The following SHC3 variants were observed in gnomAD, a reference collection of about 807,000 sequenced individuals.
SHC3 encodes the protein SHC adaptor protein 3.
A neutral mutation model predicts 60.4 loss-of-function variants in SHC3; 15 were observed. The ratio of observed to expected loss-of-function variants is 0.25; its 90% CI spans 0.17 to 0.38. The LOEUF is 0.38. Among genes scored for constraint, SHC3 ranks in the 10% least tolerant of loss-of-function variants. The pLI is 1.00. For missense variants in SHC3, 677 were observed against 786.1 expected, an observed-to-expected ratio of 0.86 and a Z score of 1.66; for synonymous variants, 294 against 325.9, an observed-to-expected ratio of 0.90 and a Z score of 1.05.
At chr9:89,047,724 CAA>C (rs2117911486) in intron 7 of SHC3, among the ~76,000 whole-genome samples, 1 of 152,220 alleles carries the variant, frequency 6.6e-6, no homozygotes, top group African/African-American at 2.4e-5. Flanking sequence ...TAGCTATAAT[CAA>C]AGAGATGGAC....
intron 2 of SHC3, among the ~76,000 whole-genome samples, chr9:89,090,543 G>A (rs1484235110): frequency 6.6e-6 from 1 of 152,230 alleles, no homozygotes; most frequent in African/African-American, 2.4e-5. Flanking sequence ...TGGTGGGTAT[G>A]GGAGGCTTCC....
At position 89,052,129 on chromosome 9, in the gene SHC3, G is replaced by A. The variant is rs1387876759; in HGVS notation, c.870C>T (p.Ala290=). The A allele has an allele frequency of 1.9e-6, 3 of 1,614,060 alleles. No individual in the cohort carries two copies. The highest frequency in any genetic ancestry group is 2.5e-6 in the Non-Finnish European group (3 of 1,179,962). ...GTCCGATGGAGCCGATGACATCCTGGGCCAGCCCATCACAGCATTCCAAAA... is the reference window on the plus strand; with the variant it reads ...GTCCGATGGAGCCGATGACATCCTGAGCCAGCCCATCACAGCATTCCAAAA... ...CHILECCDGL[A]QDVIGSIGQA... The change falls in exon 7 of 12, where the codon GCC becomes GCT. Residue 290 remains alanine (A), a synonymous_variant. Transcript: ENST00000375835.
At chr9:89,079,977 C>T (rs1825419435) in intron 2 of SHC3, among the ~76,000 whole-genome samples, 1 of 152,208 alleles carries the variant, frequency 6.6e-6, no homozygotes, top group Non-Finnish European at 1.5e-5. Context: ...ATTCTCATTT[C>T]AACCACGCTG....
chr9:89,156,063 GC>G (rs1215901950), intron 1 of SHC3, among the ~76,000 whole-genome samples: 1 of 152,146 alleles, frequency 6.6e-6, no homozygotes, highest in Non-Finnish European at 1.5e-5. Context: ...ATTGAATGGG[GC>G]TGACCCATGT....
intron 1 of SHC3, among the ~76,000 whole-genome samples, chr9:89,140,908 G>A (rs1252604077): frequency 1.3e-5 from 2 of 151,972 alleles, no homozygotes; most frequent in Non-Finnish European, 2.9e-5. Context: ...ATTCAAGAAG[G>A]GGAAAAAGAT....
chr9:89,157,451 C>A (rs1826638989), intron 1 of SHC3, among the ~76,000 whole-genome samples: 2 of 152,224 alleles, frequency 1.3e-5, no homozygotes, highest in African/African-American at 4.8e-5. Context: ...CCTGCAGATA[C>A]CCTGACTGTG....
chr9:89,166,898 A>G (rs1221769064), intron 1 of SHC3, among the ~76,000 whole-genome samples: 1 of 152,200 alleles, frequency 6.6e-6, no homozygotes, highest in East Asian at 1.9e-4. Context: ...TGACTGTATT[A>G]CACTTTGCTG....
intron 1 of SHC3, among the ~76,000 whole-genome samples, chr9:89,133,437 T>C (rs549197219): frequency 6.6e-6 from 1 of 152,340 alleles, no homozygotes; most frequent in East Asian, 1.9e-4. Flanking sequence ...TTATAAATCA[T>C]GCTGCTATAA....
Position 89,013,172 on chromosome 9 carries a change from C to G in SHC3, c.*275G>C. ...TTTTTTTTTCATTAAAAACATACAG[C>G]ACAGAACATTAGTCTTACATCTTTC... On this transcript the variant is annotated 3_prime_UTR_variant, in exon 12 of 12. Coordinates refer to ENST00000375835, the MANE Select transcript of SHC3 (RefSeq NM_016848.6). The G allele has an allele frequency of 3.9e-6, 1 of 259,206 alleles. No homozygotes were observed. Among genetic ancestry groups the G allele is most frequent in the Non-Finnish European group, 7.1e-6 (1 of 140,326 alleles). The allele number at this position is 259,206 out of a possible 1,614,324, so 16.1% of individuals were successfully genotyped here.
intron 1 of SHC3, among the ~76,000 whole-genome samples, chr9:89,177,661 C>T (rs1411776009): frequency 6.6e-6 from 1 of 152,208 alleles, no homozygotes; most frequent in African/African-American, 2.4e-5. Context: ...ACCCCCGCTG[C>T]CCAGGGTTGG....
intron 1 of SHC3, among the ~76,000 whole-genome samples, chr9:89,175,039 C>T (rs1222471864): frequency 6.6e-6 from 1 of 152,242 alleles, no homozygotes; most frequent in South Asian, 2.1e-4. Flanking sequence ...GTAATCAATA[C>T]TCATTGGTAT....
chr9:89,176,947 T>C (rs1361810839), intron 1 of SHC3, among the ~76,000 whole-genome samples: 1 of 152,242 alleles, frequency 6.6e-6, no homozygotes, highest in African/African-American at 2.4e-5. Flanking sequence ...GCAGCCAATA[T>C]TTACGGAACA....
In SHC3 at chr9:89,010,686, C is replaced by T. The variant is rs537029399; in HGVS notation, c.*2761G>A. On this transcript the variant is annotated 3_prime_UTR_variant, in exon 12 of 12. Transcript: ENST00000375835. ...AGCCTGAGGCCCTGGAACGCAAGGCCTAATGCCATTCCCGCTGCGTTCATT... is the reference window on the plus strand; with the variant it reads ...AGCCTGAGGCCCTGGAACGCAAGGCTTAATGCCATTCCCGCTGCGTTCATT... 1 of 152,552 alleles carries T rather than the reference C, an allele frequency of 6.6e-6. No homozygotes were observed. Among genetic ancestry groups the T allele is most frequent in the East Asian group, 1.9e-4 (1 of 5,190 alleles). The allele number at this position is 152,552 out of a possible 1,614,324, so 9.4% of individuals were successfully genotyped here. A position where few individuals can be genotyped will look rare whatever the true frequency, so the allele number is the denominator to read the frequency against.
rs1334678396 is a variant in SHC3, at chr9:89,013,155, T to TC, written c.*291dup. On this transcript the variant is annotated 3_prime_UTR_variant, in exon 12 of 12. Transcript: ENST00000375835. ...CTACAGTTAAACTTATTTTTTTTTT[T>TC]CATTAAAAACATACAGCACAGAACA... 6.6e-5 allele frequency: 13 copies of TC among 197,142 alleles called. No homozygotes were observed. In the East Asian group the frequency reaches 1.4e-3, roughly 21 times the overall value. The allele number at this position is 197,142 out of a possible 1,614,324, so 12.2% of individuals were successfully genotyped here.
intron 1 of SHC3, among the ~76,000 whole-genome samples, chr9:89,136,222 G>A (rs1385354021): frequency 6.6e-6 from 1 of 152,112 alleles, no homozygotes; most frequent in Non-Finnish European, 1.5e-5. Flanking sequence ...AAAAAGGAGA[G>A]GAGAAACATG....
chr9:89,104,705 C>T (rs924685821), intron 2 of SHC3, among the ~76,000 whole-genome samples: 4 of 152,160 alleles, frequency 2.6e-5, no homozygotes, highest in South Asian at 2.1e-4. Context: ...CCTTGGGGGT[C>T]GCCCATTTCA....
chr9:89,150,991 A>T (rs1201049053), intron 1 of SHC3, among the ~76,000 whole-genome samples: 1 of 150,256 alleles, frequency 6.7e-6, no homozygotes, highest in African/African-American at 2.4e-5. Flanking sequence ...GCATCTTTTC[A>T]TGTGATTATT....
chr9:89,080,955 A>T (rs975049815), intron 2 of SHC3, among the ~76,000 whole-genome samples: 1 of 151,910 alleles, frequency 6.6e-6, no homozygotes, highest in Admixed American at 6.6e-5. Flanking sequence ...TTTAGTAGAC[A>T]TGGGGTTTCA....
intron 1 of SHC3, among the ~76,000 whole-genome samples, chr9:89,116,230 C>T (rs529884113): frequency 1.3e-5 from 2 of 152,286 alleles, no homozygotes; most frequent in South Asian, 2.1e-4. Flanking sequence ...TCACCAACAA[C>T]GTCACCATGT....
Sources: gnomAD v4.1 joint callset for allele counts (sites outside exome capture counted in the v4.1 genomes callset) on GRCh38, gnomAD v4.1.1 for gene constraint, MANE v1.5 for transcripts, NCBI Gene and HGNC (gene_info 2026-07-23, HGNC 2026-07-21) for gene names.